The following SWT1 variants were observed in gnomAD, a reference collection of about 807,000 sequenced individuals.
SWT1 encodes the protein SWT1 RNA endoribonuclease homolog, also known as transcriptional protein SWT1.
SWT1 carries 33 observed loss-of-function variants against 107.3 expected under a neutral mutation model. The ratio of observed to expected loss-of-function variants is 0.31; its 90% CI spans 0.23 to 0.41. The LOEUF (loss-of-function observed/expected upper bound fraction) is 0.41, where lower values mean the gene tolerates loss of function less well. Ranked by LOEUF, SWT1 falls within the 10% of genes least tolerant of loss-of-function variation. SWT1 has a pLI of 1.00. For synonymous variants in SWT1, 345 were observed against 348.3 expected (o/e 0.99, Z 0.11); for missense variants, 898 against 1,028.9 (o/e 0.87, Z 1.74).
chr1:185,233,020 C>A (rs534920086), intron 16 of SWT1, among the ~76,000 whole-genome samples: 2 of 152,188 alleles, frequency 1.3e-5, no homozygotes, highest in Non-Finnish European at 2.9e-5. Flanking sequence ...AGTGTAATCA[C>A]AAGACCAGCA....
At position 185,164,663 on chromosome 1, in the gene SWT1, G is replaced by A. The variant is rs146604077; in HGVS notation, c.85-1909G>A. On this transcript the variant is annotated intron_variant, in intron 2 of 18. Coordinates refer to ENST00000367500, the MANE Select transcript of SWT1 (RefSeq NM_017673.7). ...AACCAACCTCTCTGCTAGCTTCCAA[G>A]TTTTCTTCTGAAGCTTCCTCACATC... 1.7e-3 allele frequency among the ~76,000 whole-genome samples: 257 copies of A among 152,288 alleles called. 2 individuals carry two copies. Among genetic ancestry groups the A allele is most frequent in the African/African-American group, 5.8e-3 (240 of 41,562 alleles).
chr1:185,235,683 G>C (rs533620697), intron 16 of SWT1, among the ~76,000 whole-genome samples: 2 of 152,302 alleles, frequency 1.3e-5, no homozygotes, highest in South Asian at 4.1e-4. Flanking sequence ...ATTCAGCATA[G>C]TATTGGAAGT....
chr1:185,227,379 C>A, intron 15 of SWT1: 2 of 708,108 alleles, frequency 2.8e-6, no homozygotes, highest in South Asian at 2.7e-5. Context: ...GAGAAGCCTG[C>A]GGGCCAGCAG....
At position 185,157,328 on chromosome 1, in the gene SWT1, G is replaced by A. The variant is rs1036791718; in HGVS notation, c.-10+14G>A. The A allele has an allele frequency of 3.9e-5, 6 of 152,834 alleles. No individual in the cohort carries two copies. In the Middle Eastern group the frequency reaches 0.017, roughly 433 times the overall value. The allele number at this position is 152,834 out of a possible 1,614,324, so 9.5% of individuals were successfully genotyped here. A position where few individuals can be genotyped will look rare whatever the true frequency, so the allele number is the denominator to read the frequency against. ...GGCGCTGGTAAGGTAGGAACTGCGG[G>A]GTGCGTTGACGTTTTGCTGGGCAGG... On this transcript the variant is annotated intron_variant, in intron 1 of 18. Transcript: ENST00000367500.
At chr1:185,189,317 C>G (rs1656747404) in intron 9 of SWT1, among the ~76,000 whole-genome samples, 1 of 152,100 alleles carries the variant, frequency 6.6e-6, no homozygotes, top group Non-Finnish European at 1.5e-5. Flanking sequence ...ATTTTTGCTA[C>G]ATGTTTTGAG....
chr1:185,166,891 C>A (rs558518102), intron 3 of SWT1, among the ~76,000 whole-genome samples: 2 of 152,078 alleles, frequency 1.3e-5, no homozygotes, highest in Non-Finnish European at 2.9e-5. Flanking sequence ...AGTCCTCTCA[C>A]ATATATATGG....
At chr1:185,255,135 G>T (rs1408455495) in intron 16 of SWT1, among the ~76,000 whole-genome samples, 8 of 152,158 alleles carry the variant, frequency 5.3e-5, no homozygotes, top group Admixed American at 2.0e-4. Context: ...TTGCACTGTG[G>T]TCTGAGAGAC....
At chr1:185,168,199 G>A (rs897375167) in intron 3 of SWT1, 141 bp from the exon 4 acceptor site, 4 of 465,126 alleles carry the variant, frequency 8.6e-6, no homozygotes, top group African/African-American at 4.4e-5. Flanking sequence ...TTTGTGAAAC[G>A]GGGATGATGA....
chr1:185,242,709 CTTGT>C (rs1419109645), intron 16 of SWT1, among the ~76,000 whole-genome samples: 1 of 152,052 alleles, frequency 6.6e-6, no homozygotes, highest in African/African-American at 2.4e-5. Flanking sequence ...AATATTTTAA[CTTGT>C]TTATGGAGTT....
chr1:185,237,543 G>T (rs1344811375), intron 16 of SWT1, among the ~76,000 whole-genome samples: 1 of 152,124 alleles, frequency 6.6e-6, no homozygotes, highest in East Asian at 1.9e-4. Context: ...ACACACTGGG[G>T]CCTGTCAGGG....
chr1:185,270,225 T>C (rs1571675836), intron 16 of SWT1, among the ~76,000 whole-genome samples: 1 of 150,152 alleles, frequency 6.7e-6, no homozygotes, highest in East Asian at 1.9e-4. Flanking sequence ...ACTCACACAG[T>C]TGAGGCAGAC....
chr1:185,204,607 T>TA (rs1449070303), intron 11 of SWT1, 93 bp from the exon 12 acceptor site: 1 of 536,342 alleles, frequency 1.9e-6, no homozygotes, highest in Non-Finnish European at 3.1e-6. Context: ...AATATATACA[T>TA]AAAATGTTTA....
At chr1:185,237,343 C>T (rs1343488776) in intron 16 of SWT1, among the ~76,000 whole-genome samples, 1 of 152,158 alleles carries the variant, frequency 6.6e-6, no homozygotes, top group African/African-American at 2.4e-5. Context: ...AAGTGTGGCA[C>T]ATATACACCA....
chr1:185,168,270 A>G (rs1654752161), intron 3 of SWT1, 70 bp from the exon 4 acceptor site: 2 of 897,014 alleles, frequency 2.2e-6, no homozygotes, highest in Non-Finnish European at 3.1e-6. Context: ...CAGCCTATTC[A>G]CTATCATAAA....
At chr1:185,157,074 G>A (rs1441694181), upstream of SWT1, 2 of 258,688 alleles carry the variant, frequency 7.7e-6, no homozygotes, top group South Asian at 4.6e-5. Flanking sequence ...AAAGACTACA[G>A]CACCCAGGAT....
intron 16 of SWT1, among the ~76,000 whole-genome samples, chr1:185,246,323 T>C (rs1271391938): frequency 6.6e-6 from 1 of 152,024 alleles, no homozygotes; most frequent in Non-Finnish European, 1.5e-5. Context: ...TGTTGCTCAG[T>C]CTGCAGTGCA....
At chr1:185,235,746 A>G (rs1660824094) in intron 16 of SWT1, among the ~76,000 whole-genome samples, 1 of 152,212 alleles carries the variant, frequency 6.6e-6, no homozygotes, top group Non-Finnish European at 1.5e-5. Context: ...TCAAATAGGA[A>G]GAGAAGAGGT....
chr1:185,249,613 G>A (rs1460170543), intron 16 of SWT1, among the ~76,000 whole-genome samples: 2 of 152,078 alleles, frequency 1.3e-5, no homozygotes, highest in Admixed American at 1.3e-4. Flanking sequence ...GATGGGAAGT[G>A]CTGTGAACTA....
chr1:185,253,382 C>T (rs1344414868), intron 16 of SWT1, among the ~76,000 whole-genome samples: 1 of 151,900 alleles, frequency 6.6e-6, no homozygotes, highest in Non-Finnish European at 1.5e-5. Flanking sequence ...GCAGTATGGC[C>T]ATTTTCACAA....
Sources: gnomAD v4.1 joint callset for allele counts (sites outside exome capture counted in the v4.1 genomes callset) on GRCh38, gnomAD v4.1.1 for gene constraint, MANE v1.5 for transcripts, NCBI Gene and HGNC (gene_info 2026-07-23, HGNC 2026-07-21) for gene names.